STRN3: variants seen among roughly 807,000 people sequenced by gnomAD.
STRN3 encodes striatin-3.
Under a neutral mutation model 95.6 loss-of-function variants are expected in STRN3, and 29 were observed. That is an observed-to-expected ratio of 0.30 (90% CI 0.23 to 0.41). The LOEUF is 0.41. Ranked by LOEUF, STRN3 falls within the 10% of genes least tolerant of loss-of-function variation. The probability of loss-of-function intolerance (pLI) is 1.00; values close to 1 mark genes in which losing one functional copy is unlikely to be tolerated. For synonymous variants in STRN3, 331 were observed against 357.6 expected (o/e 0.93, Z 0.84); for missense variants, 890 against 972.1 (o/e 0.92, Z 1.12).
At chr14:30,907,144 C>T (rs1896484153) in intron 13 of STRN3, 100 bp from the exon 14 acceptor site, 5 of 1,315,522 alleles carry the variant, frequency 3.8e-6, no homozygotes, top group Non-Finnish European at 5.1e-6. Context: ...ATAAAGAACA[C>T]ACATAAAGGC....
chr14:31,022,871 T>C (rs141494070), intron 1 of STRN3, among the ~76,000 whole-genome samples: 2 of 152,334 alleles, frequency 1.3e-5, no homozygotes, highest in East Asian at 3.9e-4. Context: ...AAATGGCAGT[T>C]TCTAACTTTT....
At chr14:30,908,256 T>C (rs909843655) in intron 13 of STRN3, among the ~76,000 whole-genome samples, 1 of 152,188 alleles carries the variant, frequency 6.6e-6, no homozygotes, top group Non-Finnish European at 1.5e-5. Flanking sequence ...AATCCTATCC[T>C]ACCACCCCTT....
At chr14:30,984,127 GCCCCCCCCAA>G (rs1283999001) in intron 1 of STRN3, among the ~76,000 whole-genome samples, 1 of 81,392 alleles carries the variant, frequency 1.2e-5, no homozygotes, top group East Asian at 4.0e-4. Context: ...CATCTTCCCC[GCCCCCCCCAA>G]CCCCCCCCCA....
At chr14:31,024,905 T>C (rs1883717524) in intron 1 of STRN3, among the ~76,000 whole-genome samples, 1 of 152,180 alleles carries the variant, frequency 6.6e-6, no homozygotes, top group Admixed American at 6.5e-5. Context: ...TAAATAACCC[T>C]TTCAAAAAGA....
At chr14:30,902,941 T>C (rs1315522582) in intron 15 of STRN3, among the ~76,000 whole-genome samples, 2 of 152,124 alleles carry the variant, frequency 1.3e-5, no homozygotes, top group African/African-American at 4.8e-5. Flanking sequence ...CAATTATTAC[T>C]TCTAATACAC....
intron 1 of STRN3, among the ~76,000 whole-genome samples, chr14:30,996,639 G>A (rs1183416519): frequency 3.3e-5 from 5 of 152,120 alleles, no homozygotes; most frequent in Non-Finnish European, 7.4e-5. Context: ...AGGCCAAGGC[G>A]GGTGGATCAC....
chr14:31,019,886 C>CTTTTTT (rs67956918), intron 1 of STRN3, among the ~76,000 whole-genome samples: 8 of 143,076 alleles, frequency 5.6e-5, no homozygotes, highest in Non-Finnish European at 1.1e-4. Flanking sequence ...CACTCATTTT[C>CTTTTTT]TTTTTTTTTT....
chr14:30,936,608 G>A lies in STRN3; in HGVS notation c.733C>T (p.Leu245Phe). 6.2e-7 allele frequency: 1 copy of A among 1,613,420 alleles called. No individual in the cohort carries two copies. Among genetic ancestry groups the A allele is most frequent in the Non-Finnish European group, 8.5e-7 (1 of 1,179,736 alleles). The change falls in exon 6 of 18, where the codon CTT (leucine) becomes TTT (phenylalanine). Residue 245 changes from leucine (L) to phenylalanine (F), a missense_variant. Transcript: ENST00000357479. ...TTTTCTAAGAAATTGAACGTCTCAA[G>A]AACATCACCAGAGGACCTGTGCGAA... ...QEIKRSSGDV[L>F]ETFNFLENAD...
At chr14:30,944,959 T>G (rs1040344939) in intron 5 of STRN3, among the ~76,000 whole-genome samples, 7 of 152,124 alleles carry the variant, frequency 4.6e-5, no homozygotes, top group Admixed American at 1.3e-4. Context: ...AAAATACATC[T>G]AGGGTATAAA....
At chr14:31,013,892 T>TATTATTATTATTTGAGACAGAGTGTC (rs1883106283) in intron 1 of STRN3, among the ~76,000 whole-genome samples, 1 of 145,362 alleles carries the variant, frequency 6.9e-6, no homozygotes, top group Non-Finnish European at 1.5e-5. Flanking sequence ...TTATTATTAT[T>TATTATTATTATTTGAGACAGAGTGTC]ATTATTATTA....
At chr14:30,930,510 G>A (rs1421875633) in intron 7 of STRN3, among the ~76,000 whole-genome samples, 1 of 152,020 alleles carries the variant, frequency 6.6e-6, no homozygotes, top group East Asian at 1.9e-4. Context: ...TGCTACAATT[G>A]TCATAACTTT....
At chr14:30,903,690 C>T (rs1484245169) in intron 15 of STRN3, among the ~76,000 whole-genome samples, 4 of 152,110 alleles carry the variant, frequency 2.6e-5, no homozygotes, top group Non-Finnish European at 4.4e-5. Context: ...TGAGCCAATG[C>T]GCCCAGCCAA....
At chr14:30,936,681 C>T (rs1878838761) in intron 5 of STRN3, 57 bp from the exon 6 acceptor site, 1 of 1,544,554 alleles carries the variant, frequency 6.5e-7, no homozygotes, top group Admixed American at 2.2e-5. Context: ...TCTAATATTT[C>T]TTTCTGGTTC....
At position 30,925,559 on chromosome 14, in the gene STRN3, T is replaced by A. The variant is rs946450481; in HGVS notation, c.1099+3642A>T. Among the ~76,000 whole-genome samples the A allele has an allele frequency of 7.7e-4, 117 of 152,032 alleles. 5 individuals are homozygous for A. The highest frequency in any genetic ancestry group is 4.4e-5 in the Non-Finnish European group (3 of 67,974). ...CAAATTCTGGAATAAAGAAAAAAAA[T>A]CAAGGTTGGTAAATGTATACAAATT... On this transcript the variant is annotated intron_variant, in intron 8 of 17. Transcript: ENST00000357479.
intron 1 of STRN3, among the ~76,000 whole-genome samples, chr14:31,014,375 C>CCGT (rs1420916945): frequency 2.0e-5 from 3 of 151,946 alleles, no homozygotes; most frequent in Non-Finnish European, 4.4e-5. Flanking sequence ...CGCGTTGACA[C>CCGT]CACACCCTGC....
At chr14:30,983,417 T>C (rs1216839766) in intron 1 of STRN3, among the ~76,000 whole-genome samples, 2 of 152,148 alleles carry the variant, frequency 1.3e-5, no homozygotes, top group African/African-American at 4.8e-5. Flanking sequence ...TGGTGGCGTA[T>C]GCCTGTAATC....
intron 1 of STRN3, among the ~76,000 whole-genome samples, chr14:30,956,532 T>C (rs185099916): frequency 3.0e-4 from 45 of 152,220 alleles, no homozygotes; most frequent in African/African-American, 7.9e-4. Context: ...TGTGTGCCCA[T>C]AGTCCTAGCT....
At chr14:30,990,707 T>G (rs1881912776) in intron 1 of STRN3, among the ~76,000 whole-genome samples, 1 of 152,204 alleles carries the variant, frequency 6.6e-6, no homozygotes, top group African/African-American at 2.4e-5. Context: ...AACGCAGAGA[T>G]GCTCAAGCCC....
intron 1 of STRN3, among the ~76,000 whole-genome samples, chr14:30,966,134 T>G (rs1393065423): frequency 6.6e-6 from 1 of 151,994 alleles, no homozygotes; most frequent in Non-Finnish European, 1.5e-5. Flanking sequence ...TCGGAATTAG[T>G]TTAGCCTGTG....
Sources: gnomAD v4.1 joint callset for allele counts (sites outside exome capture counted in the v4.1 genomes callset) on GRCh38, gnomAD v4.1.1 for gene constraint, MANE v1.5 for transcripts, NCBI Gene and HGNC (gene_info 2026-07-23, HGNC 2026-07-21) for gene names.